Variants in TMX3 observed in about 807,000 individuals in gnomAD.
The protein encoded by TMX3 is protein disulfide-isomerase TMX3.
TMX3 carries 40 observed loss-of-function variants against 64.4 expected under a neutral mutation model. The ratio of observed to expected loss-of-function variants is 0.62; its 90% CI spans 0.48 to 0.81. The LOEUF (loss-of-function observed/expected upper bound fraction) is 0.81, where lower values mean the gene tolerates loss of function less well. Among genes scored for constraint, TMX3 ranks in the 30% least tolerant of loss-of-function variants. The pLI, the probability that TMX3 is intolerant of heterozygous loss-of-function variation, is 0.00. For missense variants in TMX3, 497 were observed against 534.5 expected (o/e 0.93, Z 0.69); for synonymous variants, 189 against 175.7 (o/e 1.08, Z -0.60).
chr18:68,714,891 G>A (rs767923692), intron 1 of TMX3, 45 bp downstream of exon 1: 3 of 1,547,830 alleles, frequency 1.9e-6, no homozygotes, highest in Admixed American at 3.9e-5. Context: ...GGCGGGGCCA[G>A]GTCCCACGCG....
In TMX3 at chr18:68,682,944, T is replaced by C. The variant is rs774987679; in HGVS notation, c.886A>G (p.Ile296Val). The change falls in exon 13 of 16, where the codon ATA becomes GTA. Residue 296 changes from isoleucine to valine, a missense_variant. Transcript: ENST00000299608. ...QFGHMDGNDYINTLLMDELTV... is the reference protein window; with the variant it reads ...QFGHMDGNDYVNTLLMDELTV... Reference sequence around the variant, plus strand: ...ACTTACTCCATCAGCAAGGTATTTATGTAGTCATTTCCATCCATGTGGCCA... The same window carrying C: ...ACTTACTCCATCAGCAAGGTATTTACGTAGTCATTTCCATCCATGTGGCCA... 1.9e-6 allele frequency: 3 copies of C among 1,610,874 alleles called. No individual in the cohort carries two copies. Among genetic ancestry groups the C allele is most frequent in the Admixed American group, 1.7e-5 (1 of 59,840 alleles).
In TMX3 at chr18:68,676,725, C is replaced by T; in HGVS notation, c.*208G>A. Reference sequence around the variant, plus strand: ...AGATCAGGTAAATTTTGATGGAGTGCTCTGTGTTTGTTTCAGACAAACTGT... The same window carrying T: ...AGATCAGGTAAATTTTGATGGAGTGTTCTGTGTTTGTTTCAGACAAACTGT... On this transcript the variant is annotated 3_prime_UTR_variant, in exon 16 of 16. Coordinates refer to ENST00000299608, the MANE Select transcript of TMX3 (RefSeq NM_019022.5). 1 of 592,470 alleles carries T rather than the reference C, an allele frequency of 1.7e-6. No homozygotes were observed. Among genetic ancestry groups the T allele is most frequent in the South Asian group, 2.3e-5 (1 of 43,790 alleles). 36.7% of individuals were successfully genotyped at this position (592,470 alleles called of 1,614,324 possible).
chr18:68,714,827 T>C lies in TMX3; in HGVS notation c.46+109A>G, dbSNP rs369831127. On this transcript the variant is annotated intron_variant, in intron 1 of 15. Coordinates refer to ENST00000299608, the MANE Select transcript of TMX3 (RefSeq NM_019022.5). Reference sequence around the variant, plus strand: ...GGACGCTGCCGGGAATGGGTGGGCATCTCCACGAACCCCGCAGGCCTCGCC... The same window carrying C: ...GGACGCTGCCGGGAATGGGTGGGCACCTCCACGAACCCCGCAGGCCTCGCC... 1.3e-4 allele frequency: 183 copies of C among 1,422,116 alleles called. No individual in the cohort carries two copies. The African/African-American group carries it at 2.4e-3, about 19-fold the overall frequency. 88.1% of individuals were successfully genotyped at this position (1,422,116 alleles called of 1,614,324 possible).
chr18:68,682,879 A>T (rs371761283), intron 13 of TMX3, 46 bp downstream of exon 13: 1 of 1,547,348 alleles, frequency 6.5e-7, no homozygotes, highest in East Asian at 2.3e-5. Flanking sequence ...AAACAAATTT[A>T]AAAATTAATA....
At chr18:68,713,800 G>A (rs1273714150) in intron 2 of TMX3, 46 bp downstream of exon 2, 8 of 961,396 alleles carry the variant, frequency 8.3e-6, no homozygotes, top group Non-Finnish European at 1.5e-6. Context: ...AGATATCTGA[G>A]TTGGACAGTT....
chr18:68,700,574 T>G, intron 5 of TMX3, 89 bp from the exon 6 acceptor site: 1 of 1,074,190 alleles, frequency 9.3e-7, no homozygotes, highest in Non-Finnish European at 1.3e-6. Context: ...CATAAAATTA[T>G]ATTACATAAA....
In TMX3 at chr18:68,676,677, G is replaced by C. The variant is rs1158745336; in HGVS notation, c.*256C>G. The C allele has an allele frequency of 2.3e-6, 1 of 436,842 alleles. No individual in the cohort carries two copies. Among genetic ancestry groups the C allele is most frequent in the Non-Finnish European group, 4.0e-6 (1 of 247,018 alleles). The allele number at this position is 436,842 out of a possible 1,614,324, so 27.1% of individuals were successfully genotyped here. On this transcript the variant is annotated 3_prime_UTR_variant, in exon 16 of 16. Coordinates refer to ENST00000299608, the MANE Select transcript of TMX3 (RefSeq NM_019022.5). ...ATTCAGATAGAGAAACATGCAAATA[G>C]AATTGTTCTGTTCTAATCACAAAGA...
intron 14 of TMX3, 66 bp downstream of exon 14, chr18:68,680,915 G>C (rs1913359074): frequency 7.1e-7 from 1 of 1,410,150 alleles, no homozygotes; most frequent in East Asian, 2.6e-5. Context: ...CACAAGTAAA[G>C]AAATGAACTA....
chr18:68,711,682 C>T (rs2031292439), intron 2 of TMX3, among the ~76,000 whole-genome samples: 1 of 152,158 alleles, frequency 6.6e-6, no homozygotes, highest in South Asian at 2.1e-4. Context: ...AGCTCCTTGC[C>T]CTTCTAGAAC....
intron 8 of TMX3, among the ~76,000 whole-genome samples, chr18:68,693,452 G>T (rs309224): frequency 1.3e-3 from 204 of 152,014 alleles, no homozygotes; most frequent in African/African-American, 4.5e-3. Context: ...ACCCCTGCAG[G>T]TTCACAAATG....
chr18:68,698,140 A>G (rs1033613589), intron 6 of TMX3, 109 bp from the exon 7 acceptor site: 3 of 695,292 alleles, frequency 4.3e-6, no homozygotes, highest in Non-Finnish European at 7.2e-6. Context: ...TCAATAATAT[A>G]TCAACTGCAT....
At chr18:68,681,735 T>C (rs543978748) in intron 13 of TMX3, among the ~76,000 whole-genome samples, 1 of 152,200 alleles carries the variant, frequency 6.6e-6, no homozygotes, top group Admixed American at 6.5e-5. Flanking sequence ...GCTACATCTA[T>C]GATACTAAGC....
In TMX3 at chr18:68,675,334, T is replaced by G. The variant is rs536631137; in HGVS notation, c.*1599A>C. The stretch of plus-strand genomic sequence containing the variant: ...CTGAATTTTGGACTGCATATTTGTT[T>G]CATTTCCAAAAAAAAGAAATATGGA... On this transcript the variant is annotated 3_prime_UTR_variant, in exon 16 of 16. Transcript: ENST00000299608. The G allele has an allele frequency of 6.6e-6, 1 of 152,232 alleles. No individual in the cohort carries two copies. The highest frequency in any genetic ancestry group is 6.5e-5 in the Admixed American group (1 of 15,282). The allele number at this position is 152,232 out of a possible 1,614,324, so 9.4% of individuals were successfully genotyped here.
At chr18:68,699,034 ACC>A (rs1915410972) in intron 6 of TMX3, among the ~76,000 whole-genome samples, 1 of 151,484 alleles carries the variant, frequency 6.6e-6, no homozygotes. Flanking sequence ...AAAAAAAAAA[ACC>A]AAAAACTAAG....
At chr18:68,702,217 T>C (rs1724079135) in intron 4 of TMX3, among the ~76,000 whole-genome samples, 1 of 150,552 alleles carries the variant, frequency 6.6e-6, no homozygotes, top group Non-Finnish European at 1.5e-5. Flanking sequence ...TCTCTTCTTT[T>C]AGTGTTTTTT....
intron 4 of TMX3, among the ~76,000 whole-genome samples, chr18:68,704,765 G>A (rs370878914): frequency 2.6e-5 from 4 of 152,278 alleles, no homozygotes; most frequent in East Asian, 1.9e-4. Flanking sequence ...TCAACATGAA[G>A]TCTTCTACTT....
chr18:68,697,040 A>C (rs1915156546), intron 8 of TMX3, 186 bp downstream of exon 8: 1 of 418,124 alleles, frequency 2.4e-6, no homozygotes, highest in African/African-American at 2.1e-5. Flanking sequence ...ATTTATTAAT[A>C]AAAAGCAATC....
intron 3 of TMX3, among the ~76,000 whole-genome samples, chr18:68,711,040 A>C (rs190574565): frequency 1.8e-4 from 28 of 152,316 alleles, no homozygotes; most frequent in African/African-American, 6.3e-4. Context: ...TCAAGAAAGC[A>C]AGAGTGAATT....
At position 68,687,333 on chromosome 18, in the gene TMX3, G is replaced by A. The variant is rs138789498; in HGVS notation, c.736+334C>T. Reference sequence around the variant, plus strand: ...TAAAAGCAGGCCTTATAAATAGGTTGTGCTAAGTTTTATTTTAACTCCTAT... The same window carrying A: ...TAAAAGCAGGCCTTATAAATAGGTTATGCTAAGTTTTATTTTAACTCCTAT... On this transcript the variant is annotated intron_variant, in intron 10 of 15. Transcript: ENST00000299608. 833 of 985,338 alleles carry A rather than the reference G, an allele frequency of 8.5e-4. 8 individuals carry two copies. In the African/African-American group the frequency reaches 0.014, roughly 16 times the overall value. The allele number at this position is 985,338 out of a possible 1,614,324, so 61.0% of individuals were successfully genotyped here. A position where few individuals can be genotyped will look rare whatever the true frequency, so the allele number is the denominator to read the frequency against.
Sources: gnomAD v4.1 joint callset for allele counts (sites outside exome capture counted in the v4.1 genomes callset) on GRCh38, gnomAD v4.1.1 for gene constraint, MANE v1.5 for transcripts, NCBI Gene and HGNC (gene_info 2026-07-23, HGNC 2026-07-21) for gene names.